The following ZFAND3 variants were observed in gnomAD, a reference collection of about 807,000 sequenced individuals.
ZFAND3 encodes the protein AN1-type zinc finger protein 3.
ZFAND3 carries 10 observed loss-of-function variants against 29.6 expected under a neutral mutation model. The ratio of observed to expected loss-of-function variants is 0.34; its 90% confidence interval spans 0.21 to 0.57. The LOEUF (loss-of-function observed/expected upper bound fraction) is 0.57. Among genes scored for constraint, ZFAND3 ranks in the 20% least tolerant of loss-of-function variants. ZFAND3 has a pLI of 0.86. For missense variants in ZFAND3, 230 were observed against 304.5 expected (o/e 0.76, Z 1.82); for synonymous variants, 128 against 112.6 (o/e 1.14, Z -0.87).
At chr6:38,107,693 C>T (rs528634496) in intron 4 of ZFAND3, among the ~76,000 whole-genome samples, 6 of 152,036 alleles carry the variant, frequency 3.9e-5, no homozygotes, top group Admixed American at 6.5e-5. Context: ...ATTAGCCAGG[C>T]GTGGTAGCTC....
intron 1 of ZFAND3, chr6:37,915,487 C>T (rs1761230285): frequency 2.0e-5 from 3 of 152,322 alleles, no homozygotes; most frequent in Admixed American, 6.5e-5. Flanking sequence ...ACATGTGACT[C>T]TTTTCAGTTG....
chr6:38,087,524 CAGA>C (rs899008785), intron 4 of ZFAND3, among the ~76,000 whole-genome samples: 3 of 152,120 alleles, frequency 2.0e-5, no homozygotes, highest in Non-Finnish European at 4.4e-5. Flanking sequence ...AAAAAACAGA[CAGA>C]AGATTTGAAT....
chr6:37,847,656 T>C (rs142138175), intron 1 of ZFAND3, among the ~76,000 whole-genome samples: 6 of 152,260 alleles, frequency 3.9e-5, no homozygotes, highest in African/African-American at 9.6e-5. Context: ...TGATACATAA[T>C]TGGTACCATT....
intron 3 of ZFAND3, among the ~76,000 whole-genome samples, chr6:38,065,788 CAA>C (rs1264556131): frequency 1.3e-5 from 2 of 152,122 alleles, no homozygotes; most frequent in African/African-American, 4.8e-5. Context: ...TGTAAACTGA[CAA>C]AGAGGCACTT....
intron 2 of ZFAND3, among the ~76,000 whole-genome samples, chr6:38,008,575 C>T (rs570214197): frequency 1.2e-4 from 19 of 152,262 alleles, no homozygotes; most frequent in African/African-American, 3.9e-4. Context: ...AGCATGAGAA[C>T]GCCACTGTGG....
chr6:38,152,179 G>A, intron 5 of ZFAND3, 56 bp from the exon 6 acceptor site: 1 of 1,441,760 alleles, frequency 6.9e-7, no homozygotes, highest in East Asian at 2.6e-5. Context: ...GTGAGGCTCT[G>A]CGCACTTGGA....
At chr6:37,997,850 G>C (rs992784999) in intron 2 of ZFAND3, among the ~76,000 whole-genome samples, 1 of 152,330 alleles carries the variant, frequency 6.6e-6, no homozygotes, top group South Asian at 2.1e-4. Context: ...TTGTGCTAGA[G>C]AAATAGAGGA....
At chr6:37,844,343 G>A (rs554552530) in intron 1 of ZFAND3, among the ~76,000 whole-genome samples, 7 of 151,924 alleles carry the variant, frequency 4.6e-5, no homozygotes, top group African/African-American at 9.7e-5. Context: ...GTGCAGTGGC[G>A]CAATCTTGGC....
chr6:38,052,757 C>T (rs968472091), intron 2 of ZFAND3, among the ~76,000 whole-genome samples: 9 of 151,980 alleles, frequency 5.9e-5, no homozygotes, highest in African/African-American at 2.2e-4. Flanking sequence ...TGTTGACCGC[C>T]GGGCGTGGTG....
At position 38,144,215 on chromosome 6, in the gene ZFAND3, TATAATATA is replaced by T. The variant is rs1562016107; in HGVS notation, c.530-8019_530-8012del. Among the ~76,000 whole-genome samples, 11 of 40,836 alleles carry T rather than the reference TATAATATA, an allele frequency of 2.7e-4. 1 individual carries two copies. The East Asian group carries it at 2.8e-3, about 10-fold the overall frequency. The allele number at this position is 40,836 out of a possible 152,430, so 26.8% of individuals were successfully genotyped here. Reference sequence around the variant, plus strand: ...TATATATATATATATATATATAATATATAATATATATATATATTTTTTTTTTAATAAGG... The same window carrying T: ...TATATATATATATATATATATAATATTATATATATTTTTTTTTTAATAAGG... On this transcript the variant is annotated intron_variant, in intron 5 of 5. Coordinates refer to ENST00000287218, the MANE Select transcript of ZFAND3 (RefSeq NM_021943.3).
At chr6:37,935,044 T>G (rs761645928) in intron 2 of ZFAND3, among the ~76,000 whole-genome samples, 10 of 152,172 alleles carry the variant, frequency 6.6e-5, no homozygotes, top group Non-Finnish European at 1.5e-4. Context: ...AAGACTATTG[T>G]GTAGGTAGAG....
At chr6:38,079,209 T>C (rs1414615050) in intron 3 of ZFAND3, among the ~76,000 whole-genome samples, 1 of 152,166 alleles carries the variant, frequency 6.6e-6, no homozygotes, top group Non-Finnish European at 1.5e-5. Context: ...AACTCTAAGC[T>C]CTCTGTTTAT....
chr6:38,049,033 CA>C (rs1763966656), intron 2 of ZFAND3, among the ~76,000 whole-genome samples: 4 of 152,168 alleles, frequency 2.6e-5, no homozygotes, highest in Non-Finnish European at 5.9e-5. Context: ...TTTGAAATCA[CA>C]TGCCTTTAGG....
At chr6:37,925,932 A>G (rs1761476802) in intron 1 of ZFAND3, among the ~76,000 whole-genome samples, 1 of 152,206 alleles carries the variant, frequency 6.6e-6, no homozygotes, top group African/African-American at 2.4e-5. Flanking sequence ...ACATTTTTGC[A>G]TCTTTCGTGT....
intron 1 of ZFAND3, among the ~76,000 whole-genome samples, chr6:37,928,460 G>A (rs1173247667): frequency 6.6e-6 from 1 of 152,120 alleles, no homozygotes; most frequent in Non-Finnish European, 1.5e-5. Flanking sequence ...GAGTCCGCTT[G>A]GGAGAGGATC....
chr6:38,109,101 A>G (rs1207595701), intron 4 of ZFAND3, among the ~76,000 whole-genome samples: 2 of 152,118 alleles, frequency 1.3e-5, no homozygotes, highest in South Asian at 2.1e-4. Flanking sequence ...ACAAAAAAAA[A>G]TGGAAGGCAT....
At chr6:37,902,589 T>G (rs1202389093) in intron 1 of ZFAND3, among the ~76,000 whole-genome samples, 4 of 152,212 alleles carry the variant, frequency 2.6e-5, no homozygotes, top group Non-Finnish European at 5.9e-5. Context: ...TGTTAGACCC[T>G]TCTAGTTCTT....
At chr6:38,145,086 G>A (rs1348815703) in intron 5 of ZFAND3, among the ~76,000 whole-genome samples, 2 of 152,162 alleles carry the variant, frequency 1.3e-5, no homozygotes, top group African/African-American at 4.8e-5. Flanking sequence ...AAGGGTAGAG[G>A]CCTCACCTCA....
At chr6:38,027,401 T>G (rs1763471673) in intron 2 of ZFAND3, among the ~76,000 whole-genome samples, 1 of 152,248 alleles carries the variant, frequency 6.6e-6, no homozygotes, top group African/African-American at 2.4e-5. Context: ...CCTATCGAGA[T>G]AACCTTTTTT....
Sources: allele counts gnomAD v4.1 joint callset (sites outside exome capture counted in the v4.1 genomes callset), GRCh38; gene constraint gnomAD v4.1.1; transcripts MANE v1.5; gene names NCBI Gene and HGNC (gene_info 2026-07-23, HGNC 2026-07-21).